Variants in DISC1 observed in about 807,000 individuals in gnomAD.
DISC1 encodes disrupted in schizophrenia 1 protein.
Under a neutral mutation model 84.5 loss-of-function variants are expected in DISC1, and 57 were observed. That is an observed-to-expected ratio of 0.67 (90% CI 0.55 to 0.84). The LOEUF is 0.84. DISC1 is among the 40% of genes least tolerant of loss of function. The probability of loss-of-function intolerance (pLI) is 0.00; values close to 1 mark genes in which losing one functional copy is unlikely to be tolerated. For synonymous variants in DISC1, 411 were observed against 415.2 expected (o/e 0.99, Z 0.12); for missense variants, 1,000 against 1,057.8 (o/e 0.95, Z 0.76).
intron 9 of DISC1, among the ~76,000 whole-genome samples, chr1:231,822,235 G>C (rs1251206739): frequency 6.6e-6 from 1 of 152,138 alleles, no homozygotes; most frequent in Non-Finnish European, 1.5e-5. Flanking sequence ...CCCACCTTAT[G>C]CCAGCTGCCT....
intron 1 of DISC1, among the ~76,000 whole-genome samples, chr1:231,672,933 C>T (rs143290905): frequency 2.0e-5 from 3 of 152,140 alleles, no homozygotes; most frequent in Non-Finnish European, 4.4e-5. Context: ...TTTTGATGCA[C>T]GTGACCCCCA....
intron 10 of DISC1, among the ~76,000 whole-genome samples, chr1:231,984,095 A>G (rs375253156): frequency 6.6e-6 from 1 of 152,224 alleles, no homozygotes; most frequent in South Asian, 2.1e-4. Flanking sequence ...CAGACTCCAT[A>G]AAGTCATTAC....
At chr1:231,854,344 T>C (rs1048010022) in intron 9 of DISC1, among the ~76,000 whole-genome samples, 1 of 152,206 alleles carries the variant, frequency 6.6e-6, no homozygotes, top group East Asian at 1.9e-4. Flanking sequence ...AGATGTGATA[T>C]ATAGAACTGT....
intron 3 of DISC1, among the ~76,000 whole-genome samples, chr1:231,710,834 T>C (rs1390656614): frequency 6.6e-6 from 1 of 152,190 alleles, no homozygotes; most frequent in Admixed American, 6.5e-5. Flanking sequence ...AATTAAATTC[T>C]GAGGTCCTGG....
chr1:231,985,005 T>C lies in DISC1; in HGVS notation c.2043-23780T>C, dbSNP rs111746903. Among the ~76,000 whole-genome samples, 477 of 152,196 alleles carry C rather than the reference T, an allele frequency of 3.1e-3. 2 individuals carry two copies. Among genetic ancestry groups the C allele is most frequent in the African/African-American group, 0.011 (451 of 41,520 alleles). On this transcript the variant is annotated intron_variant, in intron 10 of 12. Transcript: ENST00000439617. ...GTCAAATTATTTAATCTCTCTAAAT[T>C]TCAATTTCTCTGTCTATACAAGAAA...
chr1:231,712,643 C>G (rs901624014), intron 3 of DISC1, among the ~76,000 whole-genome samples: 11 of 152,196 alleles, frequency 7.2e-5, no homozygotes, highest in Admixed American at 2.6e-4. Flanking sequence ...ACCCTGGTCC[C>G]TGATTACAGA....
intron 9 of DISC1, 188 bp downstream of exon 9, chr1:231,818,705 T>G (rs2125761600): frequency 7.0e-7 from 1 of 1,427,660 alleles, no homozygotes. Flanking sequence ...TGTCAGCTTT[T>G]GTTTTCATAT....
At chr1:231,931,645 ATTT>A (rs10652394) in intron 9 of DISC1, among the ~76,000 whole-genome samples, 3 of 137,934 alleles carry the variant, frequency 2.2e-5, no homozygotes, top group Non-Finnish European at 1.6e-5. Flanking sequence ...ACTGCTTGTG[ATTT>A]TTTTTTTTTT....
At position 231,630,420 on chromosome 1, in the gene DISC1, A is replaced by G. The variant is rs2058624221; in HGVS notation, c.67+3486A>G. Among the ~76,000 whole-genome samples, 1 of 152,128 alleles carries G rather than the reference A, an allele frequency of 6.6e-6. No individual in the cohort carries two copies. Among genetic ancestry groups the G allele is most frequent in the Non-Finnish European group, 1.5e-5 (1 of 68,022 alleles). ...AGCAACTTCTGCCTCGACCTCCCAA[A>G]GTACCAGGATTACAGATGTGAACCA... is the stretch of plus-strand genomic sequence containing the variant. On this transcript the variant is annotated intron_variant, in intron 1 of 12. Transcript: ENST00000439617. This position sits in a 1 kb window ranked among gnomAD's most constrained non-coding sequence, Gnocchi z 4.4.
At chr1:232,007,890 G>T (rs944253349) in intron 10 of DISC1, among the ~76,000 whole-genome samples, 1 of 152,112 alleles carries the variant, frequency 6.6e-6, no homozygotes, top group Non-Finnish European at 1.5e-5. Context: ...AATCATGGGG[G>T]CAGTTTCCCC....
chr1:231,719,500 A>G (rs1462138524), intron 3 of DISC1, among the ~76,000 whole-genome samples: 1 of 152,202 alleles, frequency 6.6e-6, no homozygotes, highest in East Asian at 1.9e-4. Flanking sequence ...CAATTCTGCC[A>G]TTTGCTAGCT....
chr1:231,977,599 A>G (rs1294033342), intron 10 of DISC1, among the ~76,000 whole-genome samples: 1 of 152,184 alleles, frequency 6.6e-6, no homozygotes, highest in East Asian at 1.9e-4. Context: ...AAGATCTTTA[A>G]TTTACTCACA....
At chr1:232,016,244 G>A (rs1225130054) in intron 11 of DISC1, among the ~76,000 whole-genome samples, 1 of 152,222 alleles carries the variant, frequency 6.6e-6, no homozygotes, top group Non-Finnish European at 1.5e-5. Flanking sequence ...CATGGATGGA[G>A]TTTGGGATTT....
chr1:231,711,566 C>T (rs1349394513), intron 3 of DISC1, among the ~76,000 whole-genome samples: 1 of 150,738 alleles, frequency 6.6e-6, no homozygotes, highest in Non-Finnish European at 1.5e-5. Context: ...GACGGGGTTT[C>T]ACCGTGTTAG....
intron 3 of DISC1, chr1:231,702,611 A>G (rs1242517177): frequency 1.0e-6 from 1 of 984,914 alleles, no homozygotes; most frequent in Non-Finnish European, 1.2e-6. Flanking sequence ...GACCAGAGAT[A>G]GAGGGACTGA....
intron 11 of DISC1, among the ~76,000 whole-genome samples, chr1:232,020,985 T>G (rs1668903152): frequency 6.6e-6 from 1 of 152,206 alleles, no homozygotes; most frequent in East Asian, 1.9e-4. Flanking sequence ...ATACACCTGA[T>G]GCTTCCTGCA....
Position 231,897,831 on chromosome 1 carries a change from T to G in DISC1, c.1982-60997T>G, listed in dbSNP as rs954755277. 3.3e-5 allele frequency among the ~76,000 whole-genome samples: 5 copies of G among 152,220 alleles called. No individual in the cohort carries two copies. The highest frequency in any genetic ancestry group is 1.2e-4 in the African/African-American group (5 of 41,458). On this transcript the variant is annotated intron_variant, in intron 9 of 12. Transcript: ENST00000439617. This position sits in a 1 kb window ranked among gnomAD's most constrained non-coding sequence, Gnocchi z 4.5. ...GGATGTTTTATTTTAGGTTTTTTTC[T>G]TAAAATCAGAGAAAATCTAGCTTCA... is the stretch of plus-strand genomic sequence containing the variant.
chr1:231,800,080 T>G, intron 7 of DISC1, 28 bp from the exon 8 acceptor site: 1 of 1,554,954 alleles, frequency 6.4e-7, no homozygotes, highest in Non-Finnish European at 8.9e-7. Context: ...GAATAAATGA[T>G]GATTCCTGGT....
chr1:231,959,102 AG>A (rs1558782338), intron 10 of DISC1: 1 of 1,282,314 alleles, frequency 7.8e-7, no homozygotes, highest in African/African-American at 1.5e-5. Flanking sequence ...GATGTTTAAA[AG>A]TGTCTTGGAG....
Sources: allele counts gnomAD v4.1 joint callset (sites outside exome capture counted in the v4.1 genomes callset), GRCh38; gene constraint gnomAD v4.1.1; non-coding constraint Gnocchi (gnomAD v3.1); transcripts MANE v1.5; gene names NCBI Gene and HGNC (gene_info 2026-07-23, HGNC 2026-07-21).